STRN: variants seen among roughly 807,000 people sequenced by gnomAD.
STRN encodes protein phosphatase 2 regulatory subunit B'''alpha.
Under a neutral mutation model 96.3 loss-of-function variants are expected in STRN, and 53 were observed. The ratio of observed to expected loss-of-function variants is 0.55; its 90% CI spans 0.44 to 0.69. STRN has a LOEUF of 0.69. Ranked by LOEUF, STRN falls within the 30% of genes least tolerant of loss-of-function variation. The pLI, the probability that STRN is intolerant of heterozygous loss-of-function variation, is 0.00. For synonymous variants in STRN, 428 were observed against 355.9 expected (o/e 1.20, Z -2.28); for missense variants, 987 against 963.9 (o/e 1.02, Z -0.32).
At chr2:36,897,728 T>C (rs1330480570) in intron 6 of STRN, among the ~76,000 whole-genome samples, 1 of 151,940 alleles carries the variant, frequency 6.6e-6, no homozygotes, top group African/African-American at 2.4e-5. Flanking sequence ...TGAGCCACCG[T>C]ACCCAGCCAA....
chr2:36,913,142 C>T (rs1029887803), intron 3 of STRN, among the ~76,000 whole-genome samples: 2 of 152,138 alleles, frequency 1.3e-5, no homozygotes. Flanking sequence ...AACGTTGCTC[C>T]TCTCTAATCC....
chr2:36,900,543 GA>G (rs142207212), intron 5 of STRN, among the ~76,000 whole-genome samples: 241 of 152,266 alleles, frequency 1.6e-3, no homozygotes, highest in African/African-American at 5.5e-3. Context: ...TAATCTCTTA[GA>G]AATAGTTGAA....
intron 1 of STRN, among the ~76,000 whole-genome samples, chr2:36,944,163 C>T (rs912705477): frequency 1.3e-5 from 2 of 152,046 alleles, no homozygotes; most frequent in Non-Finnish European, 1.5e-5. Flanking sequence ...CATATATATA[C>T]ACACTAACAG....
chr2:36,902,471 A>G (rs1276967216), intron 5 of STRN, 113 bp downstream of exon 5: 1 of 656,444 alleles, frequency 1.5e-6, no homozygotes. Context: ...ATTTTTATTA[A>G]GTTATAAATT....
intron 1 of STRN, 139 bp downstream of exon 1, chr2:36,966,091 G>A: frequency 3.0e-6 from 3 of 987,248 alleles, no homozygotes; most frequent in Non-Finnish European, 4.1e-6. Flanking sequence ...AGAAGAAGGG[G>A]ACGGGGCTCC....
At position 36,867,073 on chromosome 2, in the gene STRN, T is replaced by G. The variant is rs539895474; in HGVS notation, c.1547+741A>C. Among the ~76,000 whole-genome samples the G allele has an allele frequency of 2.6e-5, 4 of 152,348 alleles. No homozygotes were observed. The South Asian group carries it at 6.2e-4, about 24-fold the overall frequency. On this transcript the variant is annotated intron_variant, in intron 12 of 17. Coordinates refer to ENST00000263918, the MANE Select transcript of STRN (RefSeq NM_003162.4). ...CCCATTTGATCCTGTGATCATGTTG[T>G]TAGCTGGTTATTACACACACTTGAT... is the stretch of plus-strand genomic sequence containing the variant.
At chr2:36,856,491 T>C (rs942256552) in intron 14 of STRN, among the ~76,000 whole-genome samples, 2 of 152,102 alleles carry the variant, frequency 1.3e-5, no homozygotes, top group Non-Finnish European at 2.9e-5. Context: ...CACAAATGAA[T>C]TTCCAAAACA....
At chr2:36,940,391 C>T (rs1019817601) in intron 1 of STRN, among the ~76,000 whole-genome samples, 8 of 152,154 alleles carry the variant, frequency 5.3e-5, no homozygotes, top group Admixed American at 2.6e-4. Context: ...AATCATCACA[C>T]GGAAAACTGC....
chr2:36,906,180 A>G (rs1233965878), intron 3 of STRN, among the ~76,000 whole-genome samples: 1 of 152,170 alleles, frequency 6.6e-6, no homozygotes, highest in African/African-American at 2.4e-5. Flanking sequence ...AAAATAAATA[A>G]TAACTGGGCA....
chr2:36,930,761 A>G (rs1297841020), intron 1 of STRN, among the ~76,000 whole-genome samples: 1 of 152,002 alleles, frequency 6.6e-6, no homozygotes, highest in Non-Finnish European at 1.5e-5. Context: ...GGCCGGGCGC[A>G]GTGGCTCAGG....
At position 36,849,151 on chromosome 2, in the gene STRN, T is replaced by G; in HGVS notation, c.*305A>C. ...CCCTACTTACTCAACAGGGACAAGC[T>G]AAACTTGTATTCGCTCAGGCCTGCC... On this transcript the variant is annotated 3_prime_UTR_variant, in exon 18 of 18. Transcript: ENST00000263918. 3.4e-6 allele frequency: 1 copy of G among 292,274 alleles called. No homozygotes were observed. Among genetic ancestry groups the G allele is most frequent in the Non-Finnish European group, 6.4e-6 (1 of 156,014 alleles). The allele number at this position is 292,274 out of a possible 1,614,324, so 18.1% of individuals were successfully genotyped here.
intron 7 of STRN, among the ~76,000 whole-genome samples, chr2:36,893,053 G>C (rs1387516620): frequency 6.6e-6 from 1 of 151,682 alleles, no homozygotes; most frequent in South Asian, 2.1e-4. Context: ...GGGTGACAGA[G>C]TGAGACTCGG....
intron 1 of STRN, among the ~76,000 whole-genome samples, chr2:36,951,828 T>A (rs1477117213): frequency 6.6e-6 from 1 of 152,192 alleles, no homozygotes; most frequent in Non-Finnish European, 1.5e-5. Flanking sequence ...TATGGGTCCA[T>A]GGCCTGTTAG....
chr2:36,937,564 G>C (rs1169109458), intron 1 of STRN, among the ~76,000 whole-genome samples: 1 of 151,774 alleles, frequency 6.6e-6, no homozygotes, highest in Non-Finnish European at 1.5e-5. Flanking sequence ...CAGCTACCTG[G>C]TTGGGAGGCT....
chr2:36,892,511 G>A, intron 7 of STRN, among the ~76,000 whole-genome samples: 1 of 152,006 alleles, frequency 6.6e-6, no homozygotes, highest in Non-Finnish European at 1.5e-5. Context: ...TTTTTATTGA[G>A]AAGAACACTC....
intron 2 of STRN, 124 bp downstream of exon 2, chr2:36,924,981 G>T: frequency 4.2e-6 from 3 of 721,914 alleles, no homozygotes; most frequent in East Asian, 5.7e-5. Context: ...GCTTGAAACC[G>T]GGAGGCGGAG....
chr2:36,838,766 A>G lies in STRN; in HGVS notation c.*10690T>C, dbSNP rs545187996. ...AACCATCATGGTGACAAACATATAC[A>G]CAGGAATGTTTATTGTAATAATAAA... On this transcript the variant is annotated 3_prime_UTR_variant, in exon 18 of 18. Transcript: ENST00000263918. Among the ~76,000 whole-genome samples the G allele has an allele frequency of 8.5e-4, 129 of 152,306 alleles. No homozygotes were observed. Among genetic ancestry groups the G allele is most frequent in the African/African-American group, 3.0e-3 (123 of 41,586 alleles).
In STRN at chr2:36,843,831, AAT is replaced by A. The variant is rs1249251203; in HGVS notation, c.*5623_*5624del. The A allele has an allele frequency of 2.0e-5, 3 of 152,198 alleles. No homozygotes were observed. In the East Asian group the frequency reaches 5.8e-4, roughly 29 times the overall value. 9.4% of individuals were successfully genotyped at this position (152,198 alleles called of 1,614,324 possible). On this transcript the variant is annotated 3_prime_UTR_variant, in exon 18 of 18. Transcript: ENST00000263918. ...TTGTACACTTTATTTAAAAACAAAT[AAT>A]ACACTTAGAGCCACCAAAGATGGAT...
intron 3 of STRN, 82 bp from the exon 4 acceptor site, chr2:36,905,700 C>T: frequency 1.7e-6 from 2 of 1,181,728 alleles, no homozygotes; most frequent in Non-Finnish European, 2.5e-6. Flanking sequence ...GTCCAATAAA[C>T]ATTTATAAGA....
Sources: gnomAD v4.1 joint callset for allele counts (sites outside exome capture counted in the v4.1 genomes callset) on GRCh38, gnomAD v4.1.1 for gene constraint, MANE v1.5 for transcripts, NCBI Gene and HGNC (gene_info 2026-07-23, HGNC 2026-07-21) for gene names.